AK5: variants seen among roughly 807,000 people sequenced by gnomAD.
The protein encoded by AK5 is adenylate kinase 5, also known as adenylate kinase isoenzyme 5.
A neutral mutation model predicts 69.5 loss-of-function variants in AK5; 27 were observed. The ratio of observed to expected loss-of-function variants is 0.39; its 90% CI spans 0.29 to 0.54. The LOEUF (loss-of-function observed/expected upper bound fraction) is 0.54, where lower values mean the gene tolerates loss of function less well. Among genes scored for constraint, AK5 ranks in the 20% least tolerant of loss-of-function variants. AK5 has a pLI of 0.71. For synonymous variants in AK5, 260 were observed against 244.4 expected (o/e 1.06, Z -0.60); for missense variants, 531 against 700.4 (o/e 0.76, Z 2.73).
chr1:77,501,742 A>G (rs1656733330), intron 10 of AK5, among the ~76,000 whole-genome samples: 1 of 152,208 alleles, frequency 6.6e-6, no homozygotes, highest in Non-Finnish European at 1.5e-5. Flanking sequence ...AAATATAGAA[A>G]AAGGTTTACA....
intron 12 of AK5, among the ~76,000 whole-genome samples, chr1:77,534,165 G>C (rs1478747974): frequency 1.3e-5 from 2 of 152,110 alleles, no homozygotes; most frequent in Non-Finnish European, 2.9e-5. Context: ...ACTGAACTTT[G>C]TTCTCATCCC....
At chr1:77,283,520 A>G (rs1396138891) in intron 1 of AK5, 6 of 985,438 alleles carry the variant, frequency 6.1e-6, no homozygotes, top group East Asian at 2.3e-4. Context: ...TCCCTAAACT[A>G]TCTTTAAAAT....
intron 10 of AK5, among the ~76,000 whole-genome samples, chr1:77,499,602 C>T (rs1656578074): frequency 6.6e-6 from 1 of 152,026 alleles, no homozygotes; most frequent in Non-Finnish European, 1.5e-5. Flanking sequence ...AAGCAGAACA[C>T]CCTGGTTTTT....
intron 8 of AK5, among the ~76,000 whole-genome samples, chr1:77,424,163 A>T (rs559300356): frequency 6.6e-6 from 1 of 152,354 alleles, no homozygotes; most frequent in Admixed American, 6.5e-5. Context: ...TCAAGGAAAA[A>T]TTACAAGGTA....
chr1:77,318,103 A>T (rs2100314254), intron 5 of AK5, among the ~76,000 whole-genome samples: 1 of 152,292 alleles, frequency 6.6e-6, no homozygotes, highest in East Asian at 1.9e-4. Flanking sequence ...TGCTATAAAG[A>T]AATACCTGAG....
intron 13 of AK5, among the ~76,000 whole-genome samples, chr1:77,536,928 C>T (rs1411899707): frequency 6.6e-6 from 1 of 152,174 alleles, no homozygotes; most frequent in Non-Finnish European, 1.5e-5. Context: ...TCTGCTGAGT[C>T]ACCATCAGTT....
intron 6 of AK5, among the ~76,000 whole-genome samples, chr1:77,403,093 T>G (rs1470011256): frequency 6.6e-6 from 1 of 152,220 alleles, no homozygotes; most frequent in East Asian, 1.9e-4. Context: ...ATAAATGTCT[T>G]CTTCTGAGAA....
At chr1:77,438,109 T>C (rs1456212228) in intron 8 of AK5, among the ~76,000 whole-genome samples, 3 of 151,992 alleles carry the variant, frequency 2.0e-5, no homozygotes, top group Non-Finnish European at 4.4e-5. Context: ...CCTCTCTTTT[T>C]TTGTTATTTT....
chr1:77,515,784 C>T (rs1480786814), intron 10 of AK5, among the ~76,000 whole-genome samples: 1 of 152,126 alleles, frequency 6.6e-6, no homozygotes, highest in Non-Finnish European at 1.5e-5. Flanking sequence ...GGCACAGTGG[C>T]TCAGGCCTGT....
At position 77,472,032 on chromosome 1, in the gene AK5, T is replaced by G. The variant is rs115668011; in HGVS notation, c.1060-11285T>G. ...GTGCCTTTTAAATGTAAGCCAAAAA[T>G]GAAATTGTATATACTCATACCAGTA... On this transcript the variant is annotated intron_variant, in intron 8 of 13. Transcript: ENST00000354567. Among the ~76,000 whole-genome samples, 841 of 152,324 alleles carry G rather than the reference T, an allele frequency of 5.5e-3. 9 individuals are homozygous for G. The highest frequency in any genetic ancestry group is 0.019 in the African/African-American group (806 of 41,560).
chr1:77,412,408 ACT>A (rs1435312450), intron 7 of AK5, among the ~76,000 whole-genome samples: 1 of 151,830 alleles, frequency 6.6e-6, no homozygotes, highest in African/African-American at 2.4e-5. Context: ...TAAACAGAAG[ACT>A]CTGTGCTTGC....
At chr1:77,522,131 G>T (rs1557652322) in intron 12 of AK5, among the ~76,000 whole-genome samples, 188 bp downstream of exon 12, 1 of 152,062 alleles carries the variant, frequency 6.6e-6, no homozygotes, top group Non-Finnish European at 1.5e-5. Flanking sequence ...ACCCAGCAGT[G>T]GTTTAGATTT....
chr1:77,492,308 C>T (rs1656050364), intron 10 of AK5, among the ~76,000 whole-genome samples: 1 of 152,200 alleles, frequency 6.6e-6, no homozygotes, highest in Non-Finnish European at 1.5e-5. Flanking sequence ...CTGTTTTTTA[C>T]TGTGAGTACA....
chr1:77,325,166 T>TTG (rs1553132827), intron 5 of AK5, among the ~76,000 whole-genome samples: 2 of 133,492 alleles, frequency 1.5e-5, no homozygotes, highest in East Asian at 2.0e-4. Context: ...TTTTTGTTTT[T>TTG]TTTTTTTTTT....
intron 6 of AK5, among the ~76,000 whole-genome samples, chr1:77,355,075 A>C (rs139680832): frequency 6.6e-6 from 1 of 152,154 alleles, no homozygotes; most frequent in Admixed American, 6.5e-5. Flanking sequence ...TCATATGTTC[A>C]TGACAAATGA....
rs144909925 is a variant in AK5, at chr1:77,503,436, GTAT to G, written c.1148-15123_1148-15121del. Reference sequence around the variant, plus strand: ...GAACATATTGGCTAAATTTAAAGGGGTATTATTCAGTTTTTTCCATGCTTTTGG... The same window carrying G: ...GAACATATTGGCTAAATTTAAAGGGGTATTCAGTTTTTTCCATGCTTTTGG... On this transcript the variant is annotated intron_variant, in intron 10 of 13. Transcript: ENST00000354567. 4.5e-4 allele frequency among the ~76,000 whole-genome samples: 68 copies of G among 152,222 alleles called. 1 individual carries two copies. In the East Asian group the frequency reaches 0.012, roughly 27 times the overall value.
intron 5 of AK5, among the ~76,000 whole-genome samples, chr1:77,308,921 A>G (rs1012075445): frequency 1.3e-5 from 2 of 151,732 alleles, no homozygotes; most frequent in Admixed American, 1.3e-4. Flanking sequence ...GTGAGCTGAC[A>G]TGGTGCCACT....
intron 12 of AK5, among the ~76,000 whole-genome samples, chr1:77,531,641 C>T (rs529533146): frequency 4.5e-4 from 68 of 152,264 alleles, no homozygotes; most frequent in African/African-American, 1.5e-3. Flanking sequence ...ATTTACAATC[C>T]CTTAGCTAGA....
At chr1:77,393,303 C>T (rs1471031030) in intron 6 of AK5, among the ~76,000 whole-genome samples, 1 of 152,100 alleles carries the variant, frequency 6.6e-6, no homozygotes, top group Admixed American at 6.5e-5. Flanking sequence ...GGAGGAAAAG[C>T]CATTGAGACA....
Sources: allele counts gnomAD v4.1 joint callset (sites outside exome capture counted in the v4.1 genomes callset), GRCh38; gene constraint gnomAD v4.1.1; transcripts MANE v1.5; gene names NCBI Gene and HGNC (gene_info 2026-07-23, HGNC 2026-07-21).